Variants in CYP7B1 observed in about 807,000 individuals in gnomAD.
The protein encoded by CYP7B1 is cytochrome P450 family 7 subfamily B member 1.
In CYP7B1, 29 loss-of-function variants were observed where a neutral mutation model predicts 42.7. The ratio of observed to expected loss-of-function variants is 0.68; its 90% CI spans 0.51 to 0.93. CYP7B1 has a LOEUF of 0.93. Among genes scored for constraint, CYP7B1 ranks in the 40% least tolerant of loss-of-function variants. The pLI is 0.00. For synonymous variants in CYP7B1, 235 were observed against 218.2 expected, an observed-to-expected ratio of 1.08 and a Z score of -0.68; for missense variants, 655 against 600.5, an observed-to-expected ratio of 1.09 and a Z score of -0.95.
At chr8:64,776,120 A>G (rs55650602) in intron 1 of CYP7B1, among the ~76,000 whole-genome samples, 40,896 of 151,954 alleles carry the variant, frequency 0.27, 6,782 homozygotes, top group African/African-American at 0.47. Flanking sequence ...TCCAGTGAAG[A>G]CCTGGAAACA....
At chr8:64,641,155 A>G (rs890094481) in intron 1 of CYP7B1, among the ~76,000 whole-genome samples, 2 of 152,198 alleles carry the variant, frequency 1.3e-5, no homozygotes, top group African/African-American at 4.8e-5. Flanking sequence ...ATTTTTGGAA[A>G]CAACATTAAT....
chr8:64,717,291 A>G (rs1330750640), intron 1 of CYP7B1, among the ~76,000 whole-genome samples: 1 of 152,226 alleles, frequency 6.6e-6, no homozygotes, highest in Non-Finnish European at 1.5e-5. Flanking sequence ...ATAAAACAGT[A>G]TCAAAGAGAT....
intron 1 of CYP7B1, among the ~76,000 whole-genome samples, chr8:64,762,713 A>T (rs1466055363): frequency 6.6e-6 from 1 of 152,212 alleles, no homozygotes; most frequent in Non-Finnish European, 1.5e-5. Context: ...ATAAAAGTTC[A>T]AATCTCTCCA....
intron 1 of CYP7B1, among the ~76,000 whole-genome samples, chr8:64,701,515 G>T (rs1326530538): frequency 1.3e-5 from 2 of 152,054 alleles, no homozygotes; most frequent in African/African-American, 4.8e-5. Context: ...TGTAAGCAGG[G>T]TGTGATATTA....
chr8:64,643,271 GA>G (rs1805896047), intron 1 of CYP7B1, among the ~76,000 whole-genome samples: 1 of 151,344 alleles, frequency 6.6e-6, no homozygotes, highest in African/African-American at 2.4e-5. Flanking sequence ...ATCATAATGT[GA>G]ATGTTGCAAT....
chr8:64,682,160 T>C (rs1806548239), intron 1 of CYP7B1, among the ~76,000 whole-genome samples: 2 of 152,156 alleles, frequency 1.3e-5, no homozygotes, highest in Non-Finnish European at 2.9e-5. Flanking sequence ...CAGTAGTGAA[T>C]GCACAGCTAT....
At position 64,753,013 on chromosome 8, in the gene CYP7B1, A is replaced by G. The variant is rs565466633; in HGVS notation, c.122+45453T>C. 5.5e-4 allele frequency among the ~76,000 whole-genome samples: 84 copies of G among 152,348 alleles called. 1 individual carries two copies. Among genetic ancestry groups the G allele is most frequent in the Admixed American group, 3.1e-3 (47 of 15,306 alleles). On this transcript the variant is annotated intron_variant, in intron 1 of 5. Transcript: ENST00000310193. ...CACACACACACAATTAACAATCTGA[A>G]AAAGTTTAAAGAGTGTGCAAAAATT...
At chr8:64,636,214 A>C (rs1037090801) in intron 1 of CYP7B1, among the ~76,000 whole-genome samples, 1 of 152,078 alleles carries the variant, frequency 6.6e-6, no homozygotes, top group Non-Finnish European at 1.5e-5. Flanking sequence ...CCTCCTGGCT[A>C]ATGTCACTAC....
At chr8:64,626,087 T>C (rs1222062554) in intron 1 of CYP7B1, among the ~76,000 whole-genome samples, 1 of 152,190 alleles carries the variant, frequency 6.6e-6, no homozygotes, top group African/African-American at 2.4e-5. Context: ...GAGACTTTCA[T>C]GCAATTTCTC....
At position 64,783,947 on chromosome 8, in the gene CYP7B1, T is replaced by G. The variant is rs191187425; in HGVS notation, c.122+14519A>C. 5.4e-4 allele frequency among the ~76,000 whole-genome samples: 83 copies of G among 152,328 alleles called. 1 individual carries two copies. Among genetic ancestry groups the G allele is most frequent in the Admixed American group, 3.1e-3 (47 of 15,298 alleles). On this transcript the variant is annotated intron_variant, in intron 1 of 5. Coordinates refer to ENST00000310193, the MANE Select transcript of CYP7B1 (RefSeq NM_004820.5). ...CAGAACAATTTTAAGTCTGTTCAAT[T>G]TAATAATTAAGAAAAATCCTTTAGG...
chr8:64,636,911 A>C (rs1197023956), intron 1 of CYP7B1, among the ~76,000 whole-genome samples: 1 of 152,356 alleles, frequency 6.6e-6, no homozygotes, highest in African/African-American at 2.4e-5. Context: ...TGAGATGATC[A>C]GTTGTTAATT....
At chr8:64,746,021 A>G (rs1807638932) in intron 1 of CYP7B1, among the ~76,000 whole-genome samples, 1 of 152,038 alleles carries the variant, frequency 6.6e-6, no homozygotes, top group South Asian at 2.1e-4. Flanking sequence ...TTTTTAATCT[A>G]TTTGATATTA....
At chr8:64,762,887 A>ATT (rs1807909794) in intron 1 of CYP7B1, among the ~76,000 whole-genome samples, 1 of 152,230 alleles carries the variant, frequency 6.6e-6, no homozygotes, top group Non-Finnish European at 1.5e-5. Flanking sequence ...TCTAATCAGT[A>ATT]GATAAATAGG....
intron 1 of CYP7B1, among the ~76,000 whole-genome samples, chr8:64,685,984 C>T (rs1806629526): frequency 4.5e-5 from 2 of 44,812 alleles, no homozygotes; most frequent in African/African-American, 1.1e-4. Context: ...GCGCCTCTGC[C>T]CGGCCGCCCC....
intron 1 of CYP7B1, among the ~76,000 whole-genome samples, chr8:64,777,428 T>C (rs1445435638): frequency 1.3e-5 from 2 of 152,078 alleles, no homozygotes; most frequent in South Asian, 2.1e-4. Context: ...TTTTGTCTAA[T>C]TAAGAAGTTG....
intron 1 of CYP7B1, among the ~76,000 whole-genome samples, chr8:64,676,096 A>C (rs2129631816): frequency 6.6e-6 from 1 of 152,222 alleles, no homozygotes; most frequent in Non-Finnish European, 1.5e-5. Flanking sequence ...AAACAAAACA[A>C]AGGTCTTTTA....
chr8:64,613,021 A>C (rs1450183674), intron 4 of CYP7B1, among the ~76,000 whole-genome samples: 1 of 152,164 alleles, frequency 6.6e-6, no homozygotes, highest in Non-Finnish European at 1.5e-5. Context: ...TTTTGAAAGA[A>C]AAAAATACAC....
At chr8:64,674,095 C>G (rs1477270290) in intron 1 of CYP7B1, among the ~76,000 whole-genome samples, 1 of 151,876 alleles carries the variant, frequency 6.6e-6, no homozygotes, top group Non-Finnish European at 1.5e-5. Context: ...AGTGAATGAT[C>G]GACACTAATG....
intron 1 of CYP7B1, among the ~76,000 whole-genome samples, chr8:64,647,816 G>A (rs1220498432): frequency 2.0e-5 from 3 of 152,086 alleles, no homozygotes; most frequent in African/African-American, 7.2e-5. Flanking sequence ...TGCTTCAAGT[G>A]CTAAGCTCAT....
Sources: gnomAD v4.1 joint callset for allele counts (sites outside exome capture counted in the v4.1 genomes callset) on GRCh38, gnomAD v4.1.1 for gene constraint, MANE v1.5 for transcripts, NCBI Gene and HGNC (gene_info 2026-07-23, HGNC 2026-07-21) for gene names.